EXT2: variants seen among roughly 807,000 people sequenced by gnomAD.
EXT2 encodes the protein exostosin glycosyltransferase 2.
EXT2 carries 53 observed loss-of-function variants against 81.6 expected under a neutral mutation model. The observed-to-expected ratio is 0.65, with a 90% CI of 0.52 to 0.82. The LOEUF (loss-of-function observed/expected upper bound fraction) is 0.82. Ranked by LOEUF, EXT2 falls within the 40% of genes least tolerant of loss-of-function variation. The pLI is 0.00. For synonymous variants in EXT2, 320 were observed against 340.0 expected, an observed-to-expected ratio of 0.94 and a Z score of 0.65; for missense variants, 774 against 910.2, an observed-to-expected ratio of 0.85 and a Z score of 1.93.
chr11:44,193,404 C>G (rs1955417241), intron 8 of EXT2, among the ~76,000 whole-genome samples: 1 of 152,174 alleles, frequency 6.6e-6, no homozygotes, highest in Non-Finnish European at 1.5e-5. Context: ...ATGACAGTAC[C>G]TTACATATAT....
chr11:44,205,159 G>T (rs529163864), intron 9 of EXT2, among the ~76,000 whole-genome samples: 2 of 152,286 alleles, frequency 1.3e-5, no homozygotes, highest in African/African-American at 2.4e-5. Context: ...GAAAATACTA[G>T]TTTGTAAATA....
Position 44,251,402 on chromosome 11 carries a change from G to T in EXT2, c.*7115G>T, listed in dbSNP as rs780922392. Reference sequence around the variant, plus strand: ...GCAGTGTATTATATGCTGTGTGGAAGTCTGGGGGTTAGGAAATACCTGGAG... The same window carrying T: ...GCAGTGTATTATATGCTGTGTGGAATTCTGGGGGTTAGGAAATACCTGGAG... On this transcript the variant is annotated 3_prime_UTR_variant, in exon 14 of 14. Transcript: ENST00000533608. 2.1e-4 allele frequency among the ~76,000 whole-genome samples: 32 copies of T among 152,236 alleles called. No individual in the cohort carries two copies. Among genetic ancestry groups the T allele is most frequent in the Non-Finnish European group, 4.1e-4 (28 of 68,034 alleles).
rs771494258 is a variant in EXT2 at position 44,171,735 on chromosome 11, C to A, written c.1298C>A (p.Pro433His). 1 of 1,613,944 alleles carries A rather than the reference C, an allele frequency of 6.2e-7. No homozygotes were observed. The highest frequency in any genetic ancestry group is 1.7e-5 in the Admixed American group (1 of 60,028). The change falls in exon 8 of 14, where the codon CCT (proline) becomes CAT (histidine). Residue 433 changes from proline to histidine, a missense_variant. Pro to His is a moderately conservative substitution (Grantham distance 77, BLOSUM62 -2). This residue lies in a region of EXT2 where 626 missense variants were observed against 670.5 expected (regional missense o/e 0.93). Coordinates refer to ENST00000533608, the MANE Select transcript of EXT2 (RefSeq NM_207122.2). Reference protein sequence around the residue: ...AISYEEWNDPPAVKWGSVSNP... With the variant: ...AISYEEWNDPHAVKWGSVSNP... ...TCCTATGAAGAATGGAATGACCCTCCTGCTGTGGTAAGTGAATTCCAGTGC... is the reference window on the plus strand; with the variant it reads ...TCCTATGAAGAATGGAATGACCCTCATGCTGTGGTAAGTGAATTCCAGTGC...
chr11:44,213,616 A>T (rs1429061967), intron 10 of EXT2, among the ~76,000 whole-genome samples: 1 of 152,210 alleles, frequency 6.6e-6, no homozygotes, highest in African/African-American at 2.4e-5. Context: ...TCAATAGGAG[A>T]ATGGAGATAA....
chr11:44,133,358 G>T (rs1236576427), intron 7 of EXT2, among the ~76,000 whole-genome samples: 2 of 152,148 alleles, frequency 1.3e-5, no homozygotes, highest in East Asian at 1.9e-4. Flanking sequence ...TCAGAGGTGG[G>T]TCTTTTTGCA....
Position 44,172,839 on chromosome 11 carries a change from G to A in EXT2, c.1305+1097G>A, listed in dbSNP as rs566687361. ...TCCACCTGCCTTGTCCTCCCAAAGTGCTGGGATTACAGGCATGAGCCATTG... is the reference window on the plus strand; with the variant it reads ...TCCACCTGCCTTGTCCTCCCAAAGTACTGGGATTACAGGCATGAGCCATTG... On this transcript the variant is annotated intron_variant, in intron 8 of 13. Coordinates refer to ENST00000533608, the MANE Select transcript of EXT2 (RefSeq NM_207122.2). 2.0e-5 allele frequency among the ~76,000 whole-genome samples: 3 copies of A among 152,238 alleles called. No individual in the cohort carries two copies. In the East Asian group the frequency reaches 5.8e-4, roughly 29 times the overall value.
rs1956095012 is a variant in EXT2, at chr11:44,246,522, CCATTTAAAG to C, written c.*2236_*2244del. On this transcript the variant is annotated 3_prime_UTR_variant, in exon 14 of 14. Coordinates refer to ENST00000533608, the MANE Select transcript of EXT2 (RefSeq NM_207122.2). ...ATTGGACTTTAAAGGCATTACAACT[CCATTTAAAG>C]TACCTCATTACTCCCAGGAATATTG... is the stretch of plus-strand genomic sequence containing the variant. Among the ~76,000 whole-genome samples the C allele has an allele frequency of 6.6e-6, 1 of 152,136 alleles. No individual in the cohort carries two copies. The highest frequency in any genetic ancestry group is 3.2e-3 in the Middle Eastern group (1 of 316).
intron 7 of EXT2, among the ~76,000 whole-genome samples, chr11:44,140,575 G>A (rs1954632436): frequency 6.6e-6 from 1 of 152,204 alleles, no homozygotes; most frequent in Non-Finnish European, 1.5e-5. Flanking sequence ...TTTGATGGGA[G>A]CTTCAAAATC....
At chr11:44,229,726 C>G (rs1034112512) in intron 10 of EXT2, among the ~76,000 whole-genome samples, 14 of 152,210 alleles carry the variant, frequency 9.2e-5, no homozygotes, top group Non-Finnish European at 1.9e-4. Context: ...AACTGCTGGT[C>G]AGTACTGCTG....
At chr11:44,112,619 C>G (rs1292241983) in intron 3 of EXT2, among the ~76,000 whole-genome samples, 1 of 152,128 alleles carries the variant, frequency 6.6e-6, no homozygotes, top group Non-Finnish European at 1.5e-5. Flanking sequence ...TGGCATGAGG[C>G]CAGTTTGACT....
At chr11:44,135,638 C>G (rs1049022098) in intron 7 of EXT2, among the ~76,000 whole-genome samples, 1 of 152,096 alleles carries the variant, frequency 6.6e-6, no homozygotes, top group Non-Finnish European at 1.5e-5. Flanking sequence ...GCAATCAGCC[C>G]TCCTCAGCCT....
At chr11:44,136,824 C>T (rs1361822005) in intron 7 of EXT2, among the ~76,000 whole-genome samples, 1 of 152,180 alleles carries the variant, frequency 6.6e-6, no homozygotes, top group African/African-American at 2.4e-5. Context: ...TAAACAGTTA[C>T]TGGCTGCTTC....
intron 13 of EXT2, among the ~76,000 whole-genome samples, chr11:44,240,507 A>G (rs1019643844): frequency 1.3e-5 from 2 of 152,148 alleles, no homozygotes; most frequent in African/African-American, 4.8e-5. Flanking sequence ...ATCACTCTAC[A>G]ATTGCACCTG....
At chr11:44,172,418 A>G (rs1376271232) in intron 8 of EXT2, among the ~76,000 whole-genome samples, 2 of 152,108 alleles carry the variant, frequency 1.3e-5, no homozygotes, top group Non-Finnish European at 2.9e-5. Context: ...GAAGTTTTGG[A>G]GCTGGAAATT....
At chr11:44,109,130 T>TTTTTA in intron 2 of EXT2, 64 bp from the exon 3 acceptor site, 6 of 1,563,640 alleles carry the variant, frequency 3.8e-6, no homozygotes, top group Non-Finnish European at 5.3e-6. Context: ...TGTTGTCTAG[T>TTTTTA]AACTGACTCT....
Position 44,197,967 on chromosome 11 carries a change from C to G in EXT2, c.1444C>G (p.Leu482Val). ...CACTGAAGTGTCCAAGGTGCCCAGTCTATCCAAACTACTTGTCGTCTGGAA... is the reference window on the plus strand; with the variant it reads ...CACTGAAGTGTCCAAGGTGCCCAGTGTATCCAAACTACTTGTCGTCTGGAA... The part of the protein sequence containing the change: ...VITEVSKVPS[L>V]SKLLVVWNNQ... The change falls in exon 9 of 14, where the codon CTA becomes GTA. Residue 482 changes from leucine to valine, a missense_variant. Leu to Val is a conservative substitution (Grantham distance 32). This residue lies in a region of EXT2 where 626 missense variants were observed against 670.5 expected (regional missense o/e 0.93). Coordinates refer to ENST00000533608, the MANE Select transcript of EXT2 (RefSeq NM_207122.2). 1.2e-6 allele frequency: 2 copies of G among 1,614,104 alleles called. No individual in the cohort carries two copies. The highest frequency in any genetic ancestry group is 1.3e-5 in the African/African-American group (1 of 75,022).
intron 7 of EXT2, among the ~76,000 whole-genome samples, chr11:44,149,770 G>A (rs962827616): frequency 6.6e-6 from 1 of 152,210 alleles, no homozygotes; most frequent in African/African-American, 2.4e-5. Context: ...GAAGTAATAT[G>A]CTTCGAAATG....
chr11:44,232,343 C>T lies in EXT2; in HGVS notation c.1663-10C>T, dbSNP rs1240888697. The T allele has an allele frequency of 1.9e-6, 3 of 1,613,566 alleles. No homozygotes were observed. Among genetic ancestry groups the T allele is most frequent in the Non-Finnish European group, 2.5e-6 (3 of 1,179,870 alleles). ...TTGGGACTTGATTGTTATTATGTGT[C>T]TGTCCTTAGGTCTGGCGGGAATTTC... On this transcript the variant is annotated splice_polypyrimidine_tract_variant and intron_variant, in intron 10 of 13. Coordinates refer to ENST00000533608, the MANE Select transcript of EXT2 (RefSeq NM_207122.2).
chr11:44,152,883 A>G (rs1486987912), intron 7 of EXT2, among the ~76,000 whole-genome samples: 1 of 152,080 alleles, frequency 6.6e-6, no homozygotes, highest in African/African-American at 2.4e-5. Flanking sequence ...TGTTCCGTTG[A>G]TCTGTCTATT....
Sources: gnomAD v4.1 joint callset for allele counts (sites outside exome capture counted in the v4.1 genomes callset) on GRCh38, gnomAD v4.1.1 for gene constraint, gnomAD v4.1.1 regional missense constraint, MANE v1.5 for transcripts, NCBI Gene and HGNC (gene_info 2026-07-23, HGNC 2026-07-21) for gene names.